The following SLC43A1 variants were observed in gnomAD, a reference collection of about 807,000 sequenced individuals.
SLC43A1 encodes the protein large neutral amino acids transporter small subunit 3.
A neutral mutation model predicts 59.5 loss-of-function variants in SLC43A1; 31 were observed. The ratio of observed to expected loss-of-function variants is 0.52; its 90% confidence interval spans 0.39 to 0.70. The LOEUF (loss-of-function observed/expected upper bound fraction) is 0.70. SLC43A1 is among the 30% of genes least tolerant of loss of function. The pLI is 0.00. For missense variants in SLC43A1, 598 were observed against 717.8 expected (o/e 0.83, Z 1.91); for synonymous variants, 259 against 290.9 (o/e 0.89, Z 1.12).
In SLC43A1 at chr11:57,493,981, C is replaced by T. The variant is rs1565129182; in HGVS notation, c.871+12G>A. 3 of 1,575,568 alleles carry T rather than the reference C, an allele frequency of 1.9e-6. No homozygotes were observed. The highest frequency in any genetic ancestry group is 2.6e-6 in the Non-Finnish European group (3 of 1,162,422). ...CTATCCCCCAAGGCCGGCACCTTGA[C>T]CAGACACTCACTCTCAGGAAGGTTT... On this transcript the variant is annotated intron_variant, in intron 8 of 14. Coordinates refer to ENST00000278426, the MANE Select transcript of SLC43A1 (RefSeq NM_003627.6).
chr11:57,503,940 T>C (rs1396956319), intron 2 of SLC43A1, among the ~76,000 whole-genome samples: 2 of 152,244 alleles, frequency 1.3e-5, no homozygotes, highest in East Asian at 3.9e-4. Flanking sequence ...AAGCCTGTAA[T>C]CCCAGCACTT....
At chr11:57,491,940 G>C (rs929301671) in intron 8 of SLC43A1, 78 bp from the exon 9 acceptor site, 16 of 1,397,940 alleles carry the variant, frequency 1.1e-5, no homozygotes, top group Non-Finnish European at 1.5e-5. Context: ...TGCAGTTCTT[G>C]GGGGGAGTGA....
intron 8 of SLC43A1, among the ~76,000 whole-genome samples, chr11:57,492,562 A>ATATATG (rs1943954806): frequency 2.8e-5 from 1 of 35,266 alleles, no homozygotes; most frequent in African/African-American, 1.0e-4. Flanking sequence ...ATATATATAT[A>ATATATG]TATATATATA....
chr11:57,501,956 TCTAAACACAACA>T (rs1944279819), intron 2 of SLC43A1, among the ~76,000 whole-genome samples: 1 of 152,142 alleles, frequency 6.6e-6, no homozygotes, highest in East Asian at 1.9e-4. Flanking sequence ...CAGGCACTGT[TCTAAACACAACA>T]GCCCCATAAG....
rs1944615358 is a variant in SLC43A1 at position 57,513,941 on chromosome 11, C to A, written c.154+17G>T. On this transcript the variant is annotated intron_variant, in intron 2 of 14. Coordinates refer to ENST00000278426, the MANE Select transcript of SLC43A1 (RefSeq NM_003627.6). Reference sequence around the variant, plus strand: ...CCATCCCTCCCCCCAGCCCACCCAGCCCATTTTCAGGCATACCTGGGCACG... The same window carrying A: ...CCATCCCTCCCCCCAGCCCACCCAGACCATTTTCAGGCATACCTGGGCACG... 2 of 1,427,394 alleles carry A rather than the reference C, an allele frequency of 1.4e-6. No homozygotes were observed. The highest frequency in any genetic ancestry group is 1.4e-5 in the African/African-American group (1 of 70,996). The allele number at this position is 1,427,394 out of a possible 1,614,324, so 88.4% of individuals were successfully genotyped here. A position where few individuals can be genotyped will look rare whatever the true frequency, so the allele number is the denominator to read the frequency against.
intron 2 of SLC43A1, among the ~76,000 whole-genome samples, chr11:57,513,438 G>A (rs1324904822): frequency 6.6e-6 from 1 of 152,226 alleles, no homozygotes; most frequent in Non-Finnish European, 1.5e-5. Flanking sequence ...CCCAGCTTCG[G>A]GGCCACTCAC....
chr11:57,502,608 C>T (rs1469454073), intron 2 of SLC43A1, among the ~76,000 whole-genome samples: 8 of 152,158 alleles, frequency 5.3e-5, no homozygotes, highest in South Asian at 2.1e-4. Context: ...CAGTAGCTCA[C>T]ACCTGTAATC....
chr11:57,513,443 A>G (rs772276796), intron 2 of SLC43A1, among the ~76,000 whole-genome samples: 18 of 152,330 alleles, frequency 1.2e-4, no homozygotes, highest in Non-Finnish European at 2.2e-4. Flanking sequence ...CTTCGGGGCC[A>G]CTCACACAAG....
chr11:57,502,433 C>T (rs1944290917), intron 2 of SLC43A1, among the ~76,000 whole-genome samples: 1 of 152,148 alleles, frequency 6.6e-6, no homozygotes, highest in South Asian at 2.1e-4. Context: ...AGTGCCTGGC[C>T]CAGAGAAAGT....
intron 2 of SLC43A1, among the ~76,000 whole-genome samples, chr11:57,513,089 G>C (rs1005457317): frequency 6.6e-6 from 1 of 152,196 alleles, no homozygotes; most frequent in Non-Finnish European, 1.5e-5. Context: ...CCATTCTGAA[G>C]ACCAGGCAAC....
Position 57,514,016 on chromosome 11 carries a change from G to T in SLC43A1, c.96C>A (p.Gly32=). The T allele has an allele frequency of 6.6e-7, 1 of 1,525,130 alleles. No homozygotes were observed. The highest frequency in any genetic ancestry group is 1.1e-5 in the South Asian group (1 of 88,416). The allele number at this position is 1,525,130 out of a possible 1,614,324, so 94.5% of individuals were successfully genotyped here. Residue 32 remains glycine, a synonymous_variant, in exon 2 of 15, where the codon GGC becomes GGA. Transcript: ENST00000278426. The surrounding 1 kb of genome is among the most constrained non-coding windows in gnomAD (Gnocchi z 5.5). The part of the protein sequence containing the change: ...ENLFFSAVLL[G]WGSLLIILKN... ...TCAGAATGATCAACAGGGAGCCCCA[G>T]CCCAGGAGTACAGCAGAGAAGAAGA...
chr11:57,506,853 A>G (rs1944406514), intron 2 of SLC43A1, among the ~76,000 whole-genome samples: 1 of 152,238 alleles, frequency 6.6e-6, no homozygotes, highest in African/African-American at 2.4e-5. Context: ...GTAAATGCCT[A>G]AAGAACTTTA....
intron 8 of SLC43A1, among the ~76,000 whole-genome samples, chr11:57,492,416 C>G (rs959193232): frequency 1.6e-5 from 2 of 124,520 alleles, no homozygotes; most frequent in Non-Finnish European, 3.3e-5. Flanking sequence ...CATAGCAAGA[C>G]CCTATCTCTA....
intron 2 of SLC43A1, among the ~76,000 whole-genome samples, chr11:57,501,683 G>GT (rs1944271034): frequency 6.6e-6 from 1 of 152,196 alleles, no homozygotes; most frequent in Non-Finnish European, 1.5e-5. Context: ...GCAGTGAGTG[G>GT]TACTCTAATG....
chr11:57,491,038 ATTC>A (rs1420406980), intron 11 of SLC43A1, among the ~76,000 whole-genome samples, 183 bp downstream of exon 11: 4 of 152,226 alleles, frequency 2.6e-5, no homozygotes, highest in Admixed American at 6.5e-5. Flanking sequence ...TGCATTAGCT[ATTC>A]TTATTATTAA....
chr11:57,505,613 G>T (rs573058731), intron 2 of SLC43A1, among the ~76,000 whole-genome samples: 2 of 152,124 alleles, frequency 1.3e-5, no homozygotes. Context: ...AACGTGTGGG[G>T]GTGGGTAACA....
Position 57,501,292 on chromosome 11 carries a change from G to T in SLC43A1, c.192C>A (p.Arg64=). Residue 64 remains arginine (R), a synonymous_variant, in exon 3 of 15, where the codon CGC becomes CGA. Coordinates refer to ENST00000278426, the MANE Select transcript of SLC43A1 (RefSeq NM_003627.6). ...SSTNTTQDEQ[R]RWPGCDQQDE... The stretch of plus-strand genomic sequence containing the variant: ...CCTGCTGGTCACAGCCTGGCCACCT[G>T]CGCTGCTCATCCTGGGTGGTGTTGG... 1 of 1,611,456 alleles carries T rather than the reference G, an allele frequency of 6.2e-7. No homozygotes were observed. Among genetic ancestry groups the T allele is most frequent in the Non-Finnish European group, 8.5e-7 (1 of 1,180,012 alleles).
At position 57,491,293 on chromosome 11, in the gene SLC43A1, T is replaced by A. The variant is rs763850406; in HGVS notation, c.1124A>T (p.Tyr375Phe). Residue 375 changes from tyrosine (Y) to phenylalanine (F), a missense_variant, in exon 11 of 15, where the codon TAC (tyrosine) becomes TTC (phenylalanine). Physicochemically the swap from Tyr to Phe is conservative, Grantham distance 22. Coordinates refer to ENST00000278426, the MANE Select transcript of SLC43A1 (RefSeq NM_003627.6). ...GTCCTTGATCCGCCAGTCCATGATG[T>A]AGCCAATGAGGGGGCAGGTGAGAAG... Reference protein sequence around the residue: ...LCLLTCPLIGYIMDWRIKDCV... With the variant: ...LCLLTCPLIGFIMDWRIKDCV... 1 of 1,612,014 alleles carries A rather than the reference T, an allele frequency of 6.2e-7. No individual in the cohort carries two copies. Among genetic ancestry groups the A allele is most frequent in the Non-Finnish European group, 8.5e-7 (1 of 1,178,948 alleles).
At chr11:57,493,386 G>T (rs1295979473) in intron 8 of SLC43A1, among the ~76,000 whole-genome samples, 1 of 152,130 alleles carries the variant, frequency 6.6e-6, no homozygotes, top group Non-Finnish European at 1.5e-5. Context: ...AGTTTGTGGG[G>T]TGCTTTTAGT....
Sources: allele counts gnomAD v4.1 joint callset (sites outside exome capture counted in the v4.1 genomes callset), GRCh38; gene constraint gnomAD v4.1.1; non-coding constraint Gnocchi (gnomAD v3.1); transcripts MANE v1.5; gene names NCBI Gene and HGNC (gene_info 2026-07-23, HGNC 2026-07-21).